Variants in IQSEC1 observed in about 807,000 individuals in gnomAD.
IQSEC1 encodes the protein IQ motif and Sec7 domain ArfGEF 1.
Under a neutral mutation model 91.0 loss-of-function variants are expected in IQSEC1, and 31 were observed. That is an observed-to-expected ratio of 0.34 (90% CI 0.26 to 0.46). The LOEUF (loss-of-function observed/expected upper bound fraction) is 0.46. Ranked by LOEUF, IQSEC1 falls within the 20% of genes least tolerant of loss-of-function variation. IQSEC1 has a pLI of 1.00. For missense variants in IQSEC1, 1,388 were observed against 1,575.6 expected (o/e 0.88, Z 2.02); for synonymous variants, 699 against 662.6 (o/e 1.05, Z -0.84).
At chr3:13,257,231 T>G (rs933568270) in intron 1 of IQSEC1, among the ~76,000 whole-genome samples, 2 of 152,106 alleles carry the variant, frequency 1.3e-5, no homozygotes, top group Non-Finnish European at 2.9e-5. Context: ...CGTTTCCAAG[T>G]GGTCATTCTC....
chr3:13,171,669 T>C lies in IQSEC1; in HGVS notation c.273-7536A>G, dbSNP rs148966305. Among the ~76,000 whole-genome samples, 385 of 152,364 alleles carry C rather than the reference T, an allele frequency of 2.5e-3. 2 individuals are homozygous for C. Among genetic ancestry groups the C allele is most frequent in the African/African-American group, 8.4e-3 (351 of 41,582 alleles). On this transcript the variant is annotated intron_variant, in intron 1 of 15. Transcript: ENST00000648114. ...TCCCTATTCCTGATGATTTAGACAC[T>C]TGTTATGCAAACAACATCTATAGAG...
intron 2 of IQSEC1, among the ~76,000 whole-genome samples, chr3:13,083,682 C>T (rs923866095): frequency 4.6e-5 from 7 of 152,258 alleles, no homozygotes; most frequent in Non-Finnish European, 1.0e-4. Context: ...ATCTGGAGAA[C>T]AGGCATGAAA....
At chr3:12,958,614 G>A (rs1383786078) in intron 1 of IQSEC1, among the ~76,000 whole-genome samples, 1 of 152,208 alleles carries the variant, frequency 6.6e-6, no homozygotes, top group Non-Finnish European at 1.5e-5. Context: ...AGGTGAGCTG[G>A]CCAAAGAGGA....
intron 12 of IQSEC1, among the ~76,000 whole-genome samples, chr3:12,907,320 C>T (rs1029281182): frequency 2.0e-5 from 3 of 152,174 alleles, no homozygotes; most frequent in African/African-American, 4.8e-5. Flanking sequence ...AGGCTGCTGA[C>T]GGGCAGGTGC....
At chr3:13,075,721 G>T (rs566766440), upstream of IQSEC1, among the ~76,000 whole-genome samples, 3 of 152,128 alleles carry the variant, frequency 2.0e-5, no homozygotes, top group African/African-American at 7.2e-5. Flanking sequence ...TCATTTACAG[G>T]GCACGTGGGT....
chr3:12,897,562 C>T lies in IQSEC1; in HGVS notation c.*3421G>A, dbSNP rs1444971745. 1.3e-5 allele frequency: 2 copies of T among 152,272 alleles called. No individual in the cohort carries two copies. The highest frequency in any genetic ancestry group is 3.8e-4 in the East Asian group (2 of 5,204). The allele number at this position is 152,272 out of a possible 1,614,324, so 9.4% of individuals were successfully genotyped here. On this transcript the variant is annotated 3_prime_UTR_variant, in exon 14 of 14. Coordinates refer to ENST00000613206, the MANE Select transcript of IQSEC1 (RefSeq NM_001134382.3). ...GGAGGGCAGGCCTCCTCCCTCTTGT[C>T]CTGTGCTCAGCACCCCCACCTCACC...
rs1700862195 is a variant in IQSEC1 at position 12,970,922 on chromosome 3, G to A, written c.24-29057C>T. Among the ~76,000 whole-genome samples, 1 of 152,224 alleles carries A rather than the reference G, an allele frequency of 6.6e-6. No homozygotes were observed. The highest frequency in any genetic ancestry group is 6.5e-5 in the Admixed American group (1 of 15,288). On this transcript the variant is annotated intron_variant, in intron 1 of 13. Coordinates refer to ENST00000613206, the MANE Select transcript of IQSEC1 (RefSeq NM_001134382.3). This position sits in a 1 kb window ranked among gnomAD's most constrained non-coding sequence, Gnocchi z 4.4. ...CCCTGTGCCGACAGTGGAGCCTGGT[G>A]CACAGAAGGTCTTCGACAGCTGAAT...
rs557585142 is a variant in IQSEC1 at position 12,958,333 on chromosome 3, G to C, written c.24-16468C>G. Reference sequence around the variant, plus strand: ...CCCCTACCTACAACATTGGCACACAGAGCTCTTCCCCGGCAACTGTCTGGT... The same window carrying C: ...CCCCTACCTACAACATTGGCACACACAGCTCTTCCCCGGCAACTGTCTGGT... On this transcript the variant is annotated intron_variant, in intron 1 of 13. Transcript: ENST00000613206. Among the ~76,000 whole-genome samples, 4 of 152,314 alleles carry C rather than the reference G, an allele frequency of 2.6e-5. No individual in the cohort carries two copies. In the East Asian group the frequency reaches 7.7e-4, roughly 29 times the overall value.
chr3:13,146,724 C>T (rs181330110), intron 2 of IQSEC1, among the ~76,000 whole-genome samples: 221 of 152,322 alleles, frequency 1.5e-3, no homozygotes, highest in Middle Eastern at 3.4e-3. Context: ...CCTGTAATCT[C>T]AGCTACTCGA....
intron 1 of IQSEC1, among the ~76,000 whole-genome samples, chr3:13,055,366 A>C (rs576690889): frequency 1.4e-3 from 211 of 152,304 alleles, no homozygotes; most frequent in Middle Eastern, 3.4e-3. Context: ...AGTGGTTATT[A>C]ACTCTGGCAG....
intron 1 of IQSEC1, among the ~76,000 whole-genome samples, chr3:12,959,035 G>C (rs995480036): frequency 6.6e-6 from 1 of 152,226 alleles, no homozygotes; most frequent in Non-Finnish European, 1.5e-5. Flanking sequence ...GATAATATGT[G>C]TCCTTTGGAA....
At chr3:13,038,505 C>T (rs1349264556) in intron 1 of IQSEC1, among the ~76,000 whole-genome samples, 3 of 151,050 alleles carry the variant, frequency 2.0e-5, no homozygotes, top group African/African-American at 7.3e-5. Context: ...GAAGGGTAGT[C>T]GGGGGACAGA....
chr3:13,122,299 C>T (rs1297665054), intron 2 of IQSEC1, among the ~76,000 whole-genome samples: 2 of 152,204 alleles, frequency 1.3e-5, no homozygotes, highest in African/African-American at 2.4e-5. Flanking sequence ...GGACAGGGAG[C>T]GAGTCCAGGA....
In IQSEC1 at chr3:12,900,250, T is replaced by C. The variant is rs1449756739; in HGVS notation, c.*733A>G. ...CAGTTAGTAATGATTGTGTAAAGAT[T>C]TTAGCCAGTCCTAGAGGGACTTCTT... On this transcript the variant is annotated 3_prime_UTR_variant, in exon 14 of 14. Coordinates refer to ENST00000613206, the MANE Select transcript of IQSEC1 (RefSeq NM_001134382.3). 1 of 984,942 alleles carries C rather than the reference T, an allele frequency of 1.0e-6. No homozygotes were observed. The allele number at this position is 984,942 out of a possible 1,614,324, so 61.0% of individuals were successfully genotyped here.
intron 2 of IQSEC1, among the ~76,000 whole-genome samples, chr3:13,160,598 TG>T (rs1707157566): frequency 6.6e-6 from 1 of 152,240 alleles, no homozygotes; most frequent in African/African-American, 2.4e-5. Flanking sequence ...AGTGAGTGTT[TG>T]GTAAGGGGAG....
At chr3:13,029,461 T>C (rs6808108) in intron 1 of IQSEC1, among the ~76,000 whole-genome samples, 16,341 of 152,296 alleles carry the variant, frequency 0.11, 2,855 homozygotes, top group African/African-American at 0.37. Context: ...TCTCCTCGGC[T>C]GGCTTGGAAG....
chr3:13,219,454 A>G (rs1694614773), intron 1 of IQSEC1, among the ~76,000 whole-genome samples: 2 of 152,186 alleles, frequency 1.3e-5, no homozygotes, highest in Non-Finnish European at 2.9e-5. Context: ...GGTGGCCCCA[A>G]ATTGGGATGG....
chr3:13,159,289 C>T (rs1424084999), intron 2 of IQSEC1, among the ~76,000 whole-genome samples: 8 of 152,156 alleles, frequency 5.3e-5, no homozygotes, highest in Middle Eastern at 6.8e-3. Flanking sequence ...ATTAGCTGGG[C>T]CTGGTGGCAG....
At chr3:13,063,036 G>T (rs1705121511) in intron 1 of IQSEC1, among the ~76,000 whole-genome samples, 2 of 152,350 alleles carry the variant, frequency 1.3e-5, no homozygotes, top group South Asian at 4.1e-4. Context: ...CGCAGCCCCA[G>T]CTCCTCAGAG....
Sources: allele counts gnomAD v4.1 joint callset (sites outside exome capture counted in the v4.1 genomes callset), GRCh38; gene constraint gnomAD v4.1.1; non-coding constraint Gnocchi (gnomAD v3.1); transcripts MANE v1.5; gene names NCBI Gene and HGNC (gene_info 2026-07-23, HGNC 2026-07-21).